Variants in ADCY8 observed in about 807,000 individuals in gnomAD.
ADCY8 encodes adenylate cyclase 8.
A neutral mutation model predicts 119.7 loss-of-function variants in ADCY8; 51 were observed. The observed-to-expected ratio is 0.43, with a 90% CI of 0.34 to 0.54. The LOEUF is 0.54. Among genes scored for constraint, ADCY8 ranks in the 20% least tolerant of loss-of-function variants. The pLI is 0.03. For missense variants in ADCY8, 1,383 were observed against 1,598.8 expected, an observed-to-expected ratio of 0.87 and a Z score of 2.30; for synonymous variants, 665 against 651.0, an observed-to-expected ratio of 1.02 and a Z score of -0.33.
At position 131,039,575 on chromosome 8, in the gene ADCY8, C is replaced by T. The variant is rs1340560408; in HGVS notation, c.759G>A (p.Met253Ile). The T allele has an allele frequency of 1.9e-6, 3 of 1,613,732 alleles. No individual in the cohort carries two copies. The African/African-American group carries it at 4.0e-5, about 22-fold the overall frequency. Residue 253 changes from methionine to isoleucine, a missense_variant, in exon 1 of 18, where the codon ATG becomes ATA. This residue lies in a region of ADCY8 where 455 missense variants were observed against 435.3 expected (regional missense o/e 1.05). Transcript: ENST00000286355. ...GGCCTGCTGCCAGGATCTGGGTGGT[C>T]ATGGCCACCCAGGTGACCACGCCGC... ...QYSGVVTWVAMTTQILAAGLG... is the reference protein window; with the variant it reads ...QYSGVVTWVAITTQILAAGLG...
At chr8:130,816,650 C>T (rs1360508687) in intron 13 of ADCY8, among the ~76,000 whole-genome samples, 26 of 151,996 alleles carry the variant, frequency 1.7e-4, no homozygotes, top group Admixed American at 1.7e-3. Flanking sequence ...TGGTCTTGAT[C>T]TCCTGACCTC....
intron 15 of ADCY8, among the ~76,000 whole-genome samples, chr8:130,798,341 C>T (rs183251629): frequency 2.7e-4 from 41 of 152,174 alleles, no homozygotes; most frequent in Admixed American, 5.9e-4. Flanking sequence ...GTAGAAGTAG[C>T]GTTGAATTGA....
chr8:130,873,004 A>T (rs1195260857), intron 8 of ADCY8, among the ~76,000 whole-genome samples: 1 of 152,324 alleles, frequency 6.6e-6, no homozygotes, highest in Non-Finnish European at 1.5e-5. Flanking sequence ...ATCCACCACA[A>T]AGAAGCTGAG....
chr8:131,039,863 C>A lies in ADCY8; in HGVS notation c.471G>T (p.Leu157=). Residue 157 remains leucine, a synonymous_variant, in exon 1 of 18, where the codon CTG becomes CTT. Transcript: ENST00000286355. Reference sequence around the variant, plus strand: ...AATCCCGAGATTTGAAGGAGTTGCGCAGGGTGGGGAAAATGACCCCTCGGT... The same window carrying A: ...AATCCCGAGATTTGAAGGAGTTGCGAAGGGTGGGGAAAATGACCCCTCGGT... ...YSYRGVIFPT[L]RNSFKSRDLE... 6.2e-7 allele frequency: 1 copy of A among 1,614,096 alleles called. No individual in the cohort carries two copies. The highest frequency in any genetic ancestry group is 1.1e-5 in the South Asian group (1 of 91,072).
intron 2 of ADCY8, among the ~76,000 whole-genome samples, chr8:130,984,856 A>G (rs78592266): frequency 0.012 from 1,875 of 152,266 alleles, 46 homozygotes; most frequent in African/African-American, 0.043. Context: ...TGAGGCTATC[A>G]AGCTGGTGCT....
intron 7 of ADCY8, among the ~76,000 whole-genome samples, chr8:130,900,803 A>C (rs949696029): frequency 6.6e-6 from 1 of 152,050 alleles, no homozygotes; most frequent in African/African-American, 2.4e-5. Flanking sequence ...CTAACACCAA[A>C]ATTCTCGTGA....
chr8:131,024,236 G>A (rs1026979058), intron 1 of ADCY8, among the ~76,000 whole-genome samples: 1 of 152,112 alleles, frequency 6.6e-6, no homozygotes, highest in African/African-American at 2.4e-5. Context: ...TTGCTATTGC[G>A]TGACATCATC....
chr8:130,851,566 A>G lies in ADCY8; in HGVS notation c.2211-1763T>C, dbSNP rs558482929. On this transcript the variant is annotated intron_variant, in intron 9 of 17. Transcript: ENST00000286355. ...ATCAGATCTGCGTGTTTGAAAGACA[A>G]CTGTGGTGGGAGGTGGAGGATGAAG... Among the ~76,000 whole-genome samples the G allele has an allele frequency of 7.2e-5, 11 of 152,258 alleles. No homozygotes were observed. The East Asian group carries it at 2.1e-3, about 29-fold the overall frequency.
At chr8:130,821,577 G>C (rs2304396) in intron 12 of ADCY8, among the ~76,000 whole-genome samples, 157 bp from the exon 13 acceptor site, 12,532 of 152,134 alleles carry the variant, frequency 0.082, 548 homozygotes, top group Admixed American at 0.099. Context: ...TTGCACATTG[G>C]CTAATTCAAA....
At chr8:130,848,394 T>G (rs1382943795) in intron 10 of ADCY8, among the ~76,000 whole-genome samples, 2 of 152,228 alleles carry the variant, frequency 1.3e-5, no homozygotes, top group Non-Finnish European at 2.9e-5. Context: ...TCCCATGTAC[T>G]TCCATTTCAG....
chr8:130,880,478 C>G (rs1818728269), intron 8 of ADCY8, among the ~76,000 whole-genome samples: 1 of 152,190 alleles, frequency 6.6e-6, no homozygotes, highest in African/African-American at 2.4e-5. Context: ...TTCTACATAT[C>G]TTTACCATAG....
chr8:131,002,632 A>G (rs142014305), intron 1 of ADCY8, among the ~76,000 whole-genome samples: 2,120 of 152,256 alleles, frequency 0.014, 47 homozygotes, highest in African/African-American at 0.048. Context: ...ATAGCAATAA[A>G]GTAGTAAACT....
Position 130,780,625 on chromosome 8 carries a change from A to G in ADCY8, c.3521T>C (p.Val1174Ala). 1 of 1,613,902 alleles carries G rather than the reference A, an allele frequency of 6.2e-7. No individual in the cohort carries two copies. Among genetic ancestry groups the G allele is most frequent in the Non-Finnish European group, 8.5e-7 (1 of 1,179,948 alleles). Residue 1174 changes from valine (V) to alanine (A), a missense_variant, in exon 18 of 18, where the codon GTC (valine) becomes GCC (alanine). Transcript: ENST00000286355. Reference sequence around the variant, plus strand: ...GGGCAAGATGAATGGGTTGGGTTGGACTCTTCCCAGAAGAAAGTACGTTTT... The same window carrying G: ...GGGCAAGATGAATGGGTTGGGTTGGGCTCTTCCCAGAAGAAAGTACGTTTT... ...KIKTYFLLGRVQPNPFILPPR... is the reference protein window; with the variant it reads ...KIKTYFLLGRAQPNPFILPPR...
chr8:130,952,146 A>T (rs1821294224), intron 2 of ADCY8, 148 bp from the exon 3 acceptor site: 1 of 921,946 alleles, frequency 1.1e-6, no homozygotes, highest in Non-Finnish European at 1.6e-6. Flanking sequence ...ACAAATATTT[A>T]TTGAGTACTT....
chr8:130,789,833 T>C (rs1815368534), intron 15 of ADCY8, among the ~76,000 whole-genome samples: 1 of 152,158 alleles, frequency 6.6e-6, no homozygotes, highest in Non-Finnish European at 1.5e-5. Context: ...CTTGGTTGAG[T>C]TGCAAAATTG....
chr8:130,972,489 A>T (rs1821952069), intron 2 of ADCY8, among the ~76,000 whole-genome samples: 1 of 152,182 alleles, frequency 6.6e-6, no homozygotes, highest in South Asian at 2.1e-4. Flanking sequence ...TTTGCAAGGT[A>T]ATAATAATAA....
chr8:130,849,138 C>G (rs532399795), intron 10 of ADCY8, among the ~76,000 whole-genome samples: 2 of 152,022 alleles, frequency 1.3e-5, no homozygotes, highest in African/African-American at 4.8e-5. Flanking sequence ...TCAGACAGAC[C>G]TTATTATCAA....
chr8:130,877,315 G>A (rs1401804061), intron 8 of ADCY8, among the ~76,000 whole-genome samples: 1 of 152,218 alleles, frequency 6.6e-6, no homozygotes, highest in Non-Finnish European at 1.5e-5. Context: ...CCAGGGCACA[G>A]AAGCTGTGGC....
At position 130,903,757 on chromosome 8, in the gene ADCY8, G is replaced by C. The variant is rs571260074; in HGVS notation, c.1911+15C>G. Reference sequence around the variant, plus strand: ...TGCATTCATGGCCAAGCAGAAGGAGGAAGAGAGGACTTACATTCTGTTTCC... The same window carrying C: ...TGCATTCATGGCCAAGCAGAAGGAGCAAGAGAGGACTTACATTCTGTTTCC... On this transcript the variant is annotated intron_variant, in intron 7 of 17. Transcript: ENST00000286355. 5.6e-6 allele frequency: 9 copies of C among 1,610,734 alleles called. No homozygotes were observed. The highest frequency in any genetic ancestry group is 5.5e-5 in the South Asian group (5 of 90,872).
Sources: allele counts gnomAD v4.1 joint callset (sites outside exome capture counted in the v4.1 genomes callset), GRCh38; gene constraint gnomAD v4.1.1; regional missense constraint gnomAD v4.1.1; transcripts MANE v1.5; gene names NCBI Gene and HGNC (gene_info 2026-07-23, HGNC 2026-07-21).